Variants in CHCHD6 observed in about 807,000 individuals in gnomAD.
CHCHD6 encodes MICOS complex subunit MIC25.
In CHCHD6, 28 loss-of-function variants were observed where a neutral mutation model predicts 32.3. That is an observed-to-expected ratio of 0.87 (90% CI 0.64 to 1.19). The LOEUF (loss-of-function observed/expected upper bound fraction) is 1.19, where lower values mean the gene tolerates loss of function less well. Ranked by LOEUF, CHCHD6 falls within the 50% of genes most tolerant of loss-of-function variation. CHCHD6 has a pLI of 0.00. For synonymous variants in CHCHD6, 122 were observed against 117.5 expected (o/e 1.04, Z -0.25); for missense variants, 333 against 307.0 (o/e 1.08, Z -0.63).
chr3:126,726,981 G>T, intron 1 of CHCHD6, 97 bp from the exon 2 acceptor site: 2 of 808,732 alleles, frequency 2.5e-6, no homozygotes, highest in Non-Finnish European at 2.1e-6. Flanking sequence ...AGGAAGCAGC[G>T]CATTCAGTAA....
intron 5 of CHCHD6, among the ~76,000 whole-genome samples, chr3:126,882,702 A>G (rs954374868): frequency 1.1e-4 from 16 of 152,326 alleles, no homozygotes; most frequent in Admixed American, 6.5e-4. Context: ...TTTCTAAGGC[A>G]ATTATCACAC....
rs554128512 is a variant in CHCHD6 at position 126,740,198 on chromosome 3, G to A, written c.411+6976G>A. Among the ~76,000 whole-genome samples, 8 of 152,224 alleles carry A rather than the reference G, an allele frequency of 5.3e-5. No homozygotes were observed. The South Asian group carries it at 1.7e-3, about 32-fold the overall frequency. ...TGACTGTCCACCAGACTATTTTATA[G>A]GCCCTACTTGTCTGTGATTGAGGGT... On this transcript the variant is annotated intron_variant, in intron 4 of 7. Transcript: ENST00000290913.
At chr3:126,821,228 A>T (rs771989750) in intron 4 of CHCHD6, among the ~76,000 whole-genome samples, 14 of 152,174 alleles carry the variant, frequency 9.2e-5, no homozygotes, top group Non-Finnish European at 1.5e-4. Flanking sequence ...CCATTTGCCA[A>T]TCGATGGACA....
chr3:126,857,609 A>T (rs57123100), intron 5 of CHCHD6, among the ~76,000 whole-genome samples: 27,535 of 152,190 alleles, frequency 0.18, 2,963 homozygotes, highest in African/African-American at 0.29. Flanking sequence ...CTTGGTGTGT[A>T]GGGAAACACA....
At position 126,912,984 on chromosome 3, in the gene CHCHD6, C is replaced by T. The variant is rs1003165331; in HGVS notation, c.496-1696C>T. 3.3e-5 allele frequency among the ~76,000 whole-genome samples: 5 copies of T among 151,662 alleles called. No individual in the cohort carries two copies. In the East Asian group the frequency reaches 7.8e-4, roughly 24 times the overall value. ...GGGTGGCTCTGTGCACCTCTCACTTCGTGTCTGCCCAGCTTCAGCCAGGCT... is the reference window on the plus strand; with the variant it reads ...GGGTGGCTCTGTGCACCTCTCACTTTGTGTCTGCCCAGCTTCAGCCAGGCT... On this transcript the variant is annotated intron_variant, in intron 5 of 7. Transcript: ENST00000290913.
At position 126,834,615 on chromosome 3, in the gene CHCHD6, C is replaced by T. The variant is rs79600760; in HGVS notation, c.412-18032C>T. 5.7e-3 allele frequency among the ~76,000 whole-genome samples: 873 copies of T among 152,294 alleles called. 10 individuals are homozygous for T. Among genetic ancestry groups the T allele is most frequent in the African/African-American group, 0.02 (839 of 41,548 alleles). On this transcript the variant is annotated intron_variant, in intron 4 of 7. Coordinates refer to ENST00000290913, the MANE Select transcript of CHCHD6 (RefSeq NM_032343.3). ...TGGTCTCCGTCAAGCCAATCTCTAT[C>T]AGTCCCTCCTTTCTGTGTCATTTAT...
At chr3:126,764,100 T>G (rs1937261338) in intron 4 of CHCHD6, among the ~76,000 whole-genome samples, 2 of 150,924 alleles carry the variant, frequency 1.3e-5, no homozygotes, top group Non-Finnish European at 2.9e-5. Context: ...GATTTATAAT[T>G]TTTTTGTTTT....
chr3:126,951,142 G>C (rs2078709827), intron 6 of CHCHD6, among the ~76,000 whole-genome samples: 1 of 152,194 alleles, frequency 6.6e-6, no homozygotes, highest in African/African-American at 2.4e-5. Flanking sequence ...CGTGAGACCT[G>C]ATGATTTTAT....
intron 4 of CHCHD6, among the ~76,000 whole-genome samples, chr3:126,770,647 G>A (rs1448944936): frequency 6.6e-6 from 1 of 152,186 alleles, no homozygotes; most frequent in Non-Finnish European, 1.5e-5. Flanking sequence ...TGCGTATGTT[G>A]AACCAACCTT....
intron 5 of CHCHD6, among the ~76,000 whole-genome samples, chr3:126,879,972 C>A (rs1355211968): frequency 5.9e-5 from 9 of 152,142 alleles, no homozygotes; most frequent in Admixed American, 4.6e-4. Context: ...AAAATAAGAA[C>A]AAGTGTTGGG....
intron 4 of CHCHD6, among the ~76,000 whole-genome samples, chr3:126,777,497 G>A (rs1937706422): frequency 6.6e-6 from 1 of 152,164 alleles, no homozygotes. Flanking sequence ...TTCAACATTG[G>A]ATGAGCTTGT....
At chr3:126,860,642 G>A (rs1340488353) in intron 5 of CHCHD6, among the ~76,000 whole-genome samples, 1 of 152,126 alleles carries the variant, frequency 6.6e-6, no homozygotes, top group Non-Finnish European at 1.5e-5. Context: ...GAAGGGTACC[G>A]CCAACTGGTT....
chr3:126,720,006 G>C (rs1220732455), intron 1 of CHCHD6, among the ~76,000 whole-genome samples: 1 of 152,082 alleles, frequency 6.6e-6, no homozygotes, highest in Non-Finnish European at 1.5e-5. Context: ...TCAGCCTCTT[G>C]AGTAGCTGGG....
At position 126,704,269 on chromosome 3, in the gene CHCHD6, C is replaced by G. The variant is rs6804224; in HGVS notation, c.-44C>G. The G allele has an allele frequency of 2.6e-6, 4 of 1,520,328 alleles. No homozygotes were observed. Among genetic ancestry groups the G allele is most frequent in the Middle Eastern group, 2.3e-4 (1 of 4,294 alleles). The allele number at this position is 1,520,328 out of a possible 1,614,324, so 94.2% of individuals were successfully genotyped here. A position where few individuals can be genotyped will look rare whatever the true frequency, so the allele number is the denominator to read the frequency against. Reference sequence around the variant, plus strand: ...CGTTGTTGGCCCGGTTGCTCTGGAGCCGGGTCTCGGGTCTGGTGGCTGCCG... The same window carrying G: ...CGTTGTTGGCCCGGTTGCTCTGGAGGCGGGTCTCGGGTCTGGTGGCTGCCG... On this transcript the variant is annotated 5_prime_UTR_variant, in exon 1 of 8. Coordinates refer to ENST00000290913, the MANE Select transcript of CHCHD6 (RefSeq NM_032343.3).
At chr3:126,792,472 T>G (rs1938600168) in intron 4 of CHCHD6, among the ~76,000 whole-genome samples, 1 of 152,116 alleles carries the variant, frequency 6.6e-6, no homozygotes, top group Admixed American at 6.5e-5. Flanking sequence ...AGTTTAGTAT[T>G]GAAATACATC....
Position 126,852,650 on chromosome 3 carries a change from A to G in CHCHD6, c.415A>G (p.Arg139Gly), listed in dbSNP as rs368736234. Residue 139 changes from arginine to glycine, a missense_variant, in exon 5 of 8, where the codon AGG (arginine) becomes GGG (glycine). Arg to Gly is a moderately radical substitution (Grantham distance 125). Coordinates refer to ENST00000290913, the MANE Select transcript of CHCHD6 (RefSeq NM_032343.3). Reference protein sequence around the residue: ...HEEQKSVRLARELESREAELR... With the variant: ...HEEQKSVRLAGELESREAELR... ...GGCTTTGTTCTCTTCCAAGCAGGCC[A>G]GGGAGCTGGAGAGCAGAGAGGCAGA... 4.0e-5 allele frequency: 65 copies of G among 1,613,118 alleles called. No individual in the cohort carries two copies. Among genetic ancestry groups the G allele is most frequent in the Non-Finnish European group, 5.1e-5 (60 of 1,179,318 alleles).
At chr3:126,711,747 C>T (rs1341081825) in intron 1 of CHCHD6, among the ~76,000 whole-genome samples, 2 of 152,228 alleles carry the variant, frequency 1.3e-5, no homozygotes, top group African/African-American at 4.8e-5. Flanking sequence ...TAAAGCTCAC[C>T]TGGCTGTTTG....
intron 5 of CHCHD6, among the ~76,000 whole-genome samples, chr3:126,881,680 G>C (rs2077612279): frequency 2.0e-5 from 3 of 152,210 alleles, no homozygotes; most frequent in Admixed American, 2.0e-4. Context: ...GAAGGAGTCG[G>C]CTGGAGTATT....
At chr3:126,813,107 GCAAGTAGAGTAGGT>G in intron 4 of CHCHD6, among the ~76,000 whole-genome samples, 1 of 152,304 alleles carries the variant, frequency 6.6e-6, no homozygotes, top group South Asian at 2.1e-4. Context: ...CTTACCTATA[GCAAGTAGAGTAGGT>G]CAATAAATCT....
Sources: allele counts gnomAD v4.1 joint callset (sites outside exome capture counted in the v4.1 genomes callset), GRCh38; gene constraint gnomAD v4.1.1; transcripts MANE v1.5; gene names NCBI Gene and HGNC (gene_info 2026-07-23, HGNC 2026-07-21).